Variants in ATRNL1 observed in about 807,000 individuals in gnomAD.
The protein encoded by ATRNL1 is attractin like 1.
Under a neutral mutation model 182.7 loss-of-function variants are expected in ATRNL1, and 95 were observed. The observed-to-expected ratio is 0.52, with a 90% CI of 0.44 to 0.62. ATRNL1 has a LOEUF of 0.62. Ranked by LOEUF, ATRNL1 falls within the 20% of genes least tolerant of loss-of-function variation. The probability of loss-of-function intolerance (pLI) is 0.00; values close to 1 mark genes in which losing one functional copy is unlikely to be tolerated. For missense variants in ATRNL1, 1,471 were observed against 1,679.5 expected, an observed-to-expected ratio of 0.88 and a Z score of 2.17; for synonymous variants, 576 against 568.3, an observed-to-expected ratio of 1.01 and a Z score of -0.19.
At position 115,536,662 on chromosome 10, in the gene ATRNL1, G is replaced by A. The variant is rs563314702; in HGVS notation, c.3717-12796G>A. ...TGGCACTCCCTAGTGAGATGAACCC[G>A]GTACCTCAGATGGAAATGCAGAAAT... is the stretch of plus-strand genomic sequence containing the variant. On this transcript the variant is annotated intron_variant, in intron 25 of 28. Transcript: ENST00000355044. Among the ~76,000 whole-genome samples, 399 of 152,294 alleles carry A rather than the reference G, an allele frequency of 2.6e-3. 1 individual carries two copies. Among genetic ancestry groups the A allele is most frequent in the African/African-American group, 8.9e-3 (371 of 41,572 alleles).
rs1201779985 is a variant in ATRNL1 at position 115,586,518 on chromosome 10, T to C, written c.3795+36982T>C. On this transcript the variant is annotated intron_variant, in intron 26 of 28. Transcript: ENST00000355044. ...TTTCATTCATTTCGTCTTCCATCAC[T>C]GATACCCTTTCTTCCAGTTGTTCGC... Among the ~76,000 whole-genome samples the C allele has an allele frequency of 2.2e-3, 211 of 95,496 alleles. 11 individuals carry two copies. The highest frequency in any genetic ancestry group is 5.7e-3 in the African/African-American group (198 of 35,024). 62.6% of individuals were successfully genotyped at this position (95,496 alleles called of 152,430 possible).
Position 115,944,791 on chromosome 10 carries a change from C to G in ATRNL1, c.*12C>G, listed in dbSNP as rs372384405. The G allele has an allele frequency of 5.0e-5, 81 of 1,612,230 alleles. No individual in the cohort carries two copies. The East Asian group carries it at 6.5e-4, about 13-fold the overall frequency. On this transcript the variant is annotated 3_prime_UTR_variant, in exon 29 of 29. Transcript: ENST00000355044. ...GAACTTGTGTCTGAGAAATGGAAACCGCTCCTGTATATTCTGTACTGTTTT... is the reference window on the plus strand; with the variant it reads ...GAACTTGTGTCTGAGAAATGGAAACGGCTCCTGTATATTCTGTACTGTTTT...
At position 115,093,611 on chromosome 10, in the gene ATRNL1, G is replaced by C; in HGVS notation, c.-140G>C. ...CGGTTGGGATCTGTCCCTCCTGACC[G>C]GGGAGCGGGACTCGGACGGGCGCCG... On this transcript the variant is annotated 5_prime_UTR_variant, in exon 1 of 29. Coordinates refer to ENST00000355044, the MANE Select transcript of ATRNL1 (RefSeq NM_207303.4). This position sits in a 1 kb window ranked among gnomAD's most constrained non-coding sequence, Gnocchi z 6.1. 3.0e-6 allele frequency: 3 copies of C among 985,324 alleles called. 1 individual carries two copies. Among genetic ancestry groups the C allele is most frequent in the Non-Finnish European group, 1.5e-6 (1 of 658,024 alleles). The allele number at this position is 985,324 out of a possible 1,614,324, so 61.0% of individuals were successfully genotyped here.
intron 27 of ATRNL1, among the ~76,000 whole-genome samples, chr10:115,729,874 TG>T (rs1947736108): frequency 6.6e-6 from 1 of 152,134 alleles, no homozygotes; most frequent in South Asian, 2.1e-4. Context: ...GAACTTTATT[TG>T]TTCTCCTTTA....
chr10:115,187,683 T>TTTTTTTC (rs1564806615), intron 8 of ATRNL1, among the ~76,000 whole-genome samples: 1,964 of 149,136 alleles, frequency 0.013, 26 homozygotes, highest in African/African-American at 0.045. Flanking sequence ...TTTTTTTTTT[T>TTTTTTTC]TTTTTTTCTT....
Position 115,184,730 on chromosome 10 carries a change from A to C in ATRNL1, c.1348+13438A>C, listed in dbSNP as rs1396948245. On this transcript the variant is annotated intron_variant, in intron 8 of 28. Transcript: ENST00000355044. Reference sequence around the variant, plus strand: ...TTACATATTGAACAATTAAATAAAAAAGGAAAGGAAGAAAAAAATCATAAA... The same window carrying C: ...TTACATATTGAACAATTAAATAAAACAGGAAAGGAAGAAAAAAATCATAAA... Among the ~76,000 whole-genome samples the C allele has an allele frequency of 4.6e-5, 7 of 152,048 alleles. No homozygotes were observed. The South Asian group carries it at 1.5e-3, about 32-fold the overall frequency.
chr10:115,128,431 AT>A, intron 4 of ATRNL1: 1 of 793,070 alleles, frequency 1.3e-6, no homozygotes, highest in Non-Finnish European at 1.5e-6. Context: ...TAACCAGAGA[AT>A]TTTTCACCAG....
Position 115,856,428 on chromosome 10 carries a change from C to CAAAAAAAAAAA in ATRNL1, c.4018+8449_4018+8459dup, listed in dbSNP as rs572743389. On this transcript the variant is annotated intron_variant, in intron 28 of 28. Coordinates refer to ENST00000355044, the MANE Select transcript of ATRNL1 (RefSeq NM_207303.4). ...GGGCAACAAGAGCGAAGCTCCATCTCAAAAAAAAAAAAAAAAAAAAAAGCC... is the reference window on the plus strand; with the variant it reads ...GGGCAACAAGAGCGAAGCTCCATCTCAAAAAAAAAAAAAAAAAAAAAAAAAAAAAAAAAGCC... 9.6e-3 allele frequency among the ~76,000 whole-genome samples: 217 copies of CAAAAAAAAAAA among 22,534 alleles called. 67 individuals are homozygous for CAAAAAAAAAAA. Among genetic ancestry groups the CAAAAAAAAAAA allele is most frequent in the African/African-American group, 0.023 (168 of 7,282 alleles). 14.8% of individuals were successfully genotyped at this position (22,534 alleles called of 152,430 possible).
chr10:115,556,581 GA>G (rs1173574136), intron 26 of ATRNL1, among the ~76,000 whole-genome samples: 37 of 152,128 alleles, frequency 2.4e-4, no homozygotes, highest in African/African-American at 8.2e-4. Context: ...ATTAAAATGT[GA>G]AAAAATGTTT....
chr10:115,647,621 T>C (rs2133872568), intron 26 of ATRNL1, among the ~76,000 whole-genome samples: 1 of 152,348 alleles, frequency 6.6e-6, no homozygotes, highest in East Asian at 1.9e-4. Context: ...TCTGTTCATA[T>C]CCTTTGCCCA....
chr10:115,857,613 T>C (rs2134383011), intron 28 of ATRNL1, among the ~76,000 whole-genome samples: 1 of 152,364 alleles, frequency 6.6e-6, no homozygotes, highest in South Asian at 2.1e-4. Context: ...ATGGTGATGG[T>C]CCTTCCATTT....
intron 6 of ATRNL1, among the ~76,000 whole-genome samples, chr10:115,161,701 T>G (rs1392679288): frequency 2.6e-5 from 4 of 152,132 alleles, no homozygotes; most frequent in Non-Finnish European, 5.9e-5. Flanking sequence ...AACTTTTTTT[T>G]GTCTGAAATC....
intron 9 of ATRNL1, among the ~76,000 whole-genome samples, chr10:115,226,124 T>G (rs1554898626): frequency 6.6e-6 from 1 of 151,790 alleles, no homozygotes; most frequent in Non-Finnish European, 1.5e-5. Flanking sequence ...CCTATATATT[T>G]ATGGGCACTT....
intron 1 of ATRNL1, among the ~76,000 whole-genome samples, chr10:115,097,437 A>C (rs1554863411): frequency 6.6e-6 from 1 of 152,176 alleles, no homozygotes; most frequent in African/African-American, 2.4e-5. Context: ...AGTGAGCTGT[A>C]ATCACGCCAC....
chr10:115,503,716 T>A (rs533232324), intron 24 of ATRNL1, among the ~76,000 whole-genome samples: 1 of 152,004 alleles, frequency 6.6e-6, no homozygotes. Flanking sequence ...TAATAAATTC[T>A]CTTCTTGTGA....
At chr10:115,362,052 A>G (rs114096882) in intron 19 of ATRNL1, among the ~76,000 whole-genome samples, 1,957 of 152,184 alleles carry the variant, frequency 0.013, 37 homozygotes, top group African/African-American at 0.044. Context: ...ATTAAGTCAT[A>G]TGGCCTTTTC....
chr10:115,170,520 C>T (rs142409515), intron 7 of ATRNL1, among the ~76,000 whole-genome samples: 305 of 149,734 alleles, frequency 2.0e-3, no homozygotes, highest in Middle Eastern at 0.01. Flanking sequence ...GTGAAGAGCA[C>T]GTGATGAAAA....
chr10:115,699,787 A>T (rs1946675354), intron 26 of ATRNL1, among the ~76,000 whole-genome samples: 1 of 152,188 alleles, frequency 6.6e-6, no homozygotes, highest in African/African-American at 2.4e-5. Flanking sequence ...TGACCCCGTC[A>T]TCGAAGTAGT....
intron 15 of ATRNL1, among the ~76,000 whole-genome samples, chr10:115,286,732 C>G (rs925155068): frequency 4.0e-5 from 6 of 151,800 alleles, no homozygotes; most frequent in Non-Finnish European, 8.8e-5. Flanking sequence ...CTTTTCAGAG[C>G]AATTATAGTC....
Sources: allele counts gnomAD v4.1 joint callset (sites outside exome capture counted in the v4.1 genomes callset), GRCh38; gene constraint gnomAD v4.1.1; non-coding constraint Gnocchi (gnomAD v3.1); transcripts MANE v1.5; gene names NCBI Gene and HGNC (gene_info 2026-07-23, HGNC 2026-07-21).